The following HEMK2 variants were observed in gnomAD, a reference collection of about 807,000 sequenced individuals.
HEMK2 encodes methyltransferase HEMK2.
chr21:28,763,498 G>A, the HEMK2 span, among the ~76,000 whole-genome samples: 1 of 151,982 alleles, frequency 6.6e-6, no homozygotes, highest in African/African-American at 2.4e-5. Context: ...CAGACCCCAC[G>A]ATCCAGCGAC....
the HEMK2 span, among the ~76,000 whole-genome samples, chr21:28,789,979 T>C: frequency 2.2e-3 from 335 of 152,334 alleles, 3 homozygotes; most frequent in African/African-American, 7.4e-3. Flanking sequence ...AACAGAGCAT[T>C]GTAAACCCAC....
At chr21:28,656,165 T>C in the HEMK2 span, among the ~76,000 whole-genome samples, 1 of 151,984 alleles carries the variant, frequency 6.6e-6, no homozygotes, top group Non-Finnish European at 1.5e-5. Flanking sequence ...GGCCGAGGTA[T>C]CTCTTAACTA....
the HEMK2 span, among the ~76,000 whole-genome samples, chr21:28,805,332 C>T: frequency 5.3e-5 from 8 of 152,300 alleles, no homozygotes; most frequent in Admixed American, 5.2e-4. Context: ...CCATAAAATC[C>T]AGCACTGTAT....
the HEMK2 span, among the ~76,000 whole-genome samples, chr21:28,655,763 A>T: frequency 6.6e-6 from 1 of 152,126 alleles, no homozygotes; most frequent in African/African-American, 2.4e-5. Flanking sequence ...TTCCCAAAAC[A>T]CACAGCTCAG....
chr21:28,717,021 A>G, the HEMK2 span, among the ~76,000 whole-genome samples: 1 of 152,262 alleles, frequency 6.6e-6, no homozygotes, highest in East Asian at 1.9e-4. Flanking sequence ...TCAGCTTGCT[A>G]GTATTTTGTT....
the HEMK2 span, among the ~76,000 whole-genome samples, chr21:28,778,246 A>G: frequency 6.6e-6 from 1 of 152,196 alleles, no homozygotes; most frequent in African/African-American, 2.4e-5. Context: ...GCTTTTTTCT[A>G]TCAGCCTAAT....
the HEMK2 span, among the ~76,000 whole-genome samples, chr21:28,806,692 G>A: frequency 5.9e-5 from 9 of 152,288 alleles, no homozygotes; most frequent in Non-Finnish European, 1.3e-4. Flanking sequence ...TAGACATGCA[G>A]AGAGAAAAGG....
At chr21:28,822,292 C>T in the HEMK2 span, among the ~76,000 whole-genome samples, 1 of 152,226 alleles carries the variant, frequency 6.6e-6, no homozygotes, top group East Asian at 1.9e-4. Context: ...CTAATGATAT[C>T]ATTCCAAATT....
the HEMK2 span, among the ~76,000 whole-genome samples, chr21:28,861,362 G>C: frequency 6.6e-6 from 1 of 152,210 alleles, no homozygotes; most frequent in Non-Finnish European, 1.5e-5. Flanking sequence ...TAATCATGGT[G>C]CTCCTAGAAG....
At chr21:28,762,746 T>C in the HEMK2 span, among the ~76,000 whole-genome samples, 7 of 152,114 alleles carry the variant, frequency 4.6e-5, no homozygotes, top group African/African-American at 1.7e-4. Flanking sequence ...TTTCCCCTTC[T>C]ACCATGTTAT....
the HEMK2 span, among the ~76,000 whole-genome samples, chr21:28,637,919 A>T: frequency 6.5e-4 from 99 of 152,252 alleles, no homozygotes; most frequent in Non-Finnish European, 8.5e-4. Context: ...GTTGTAAAGG[A>T]GAAAAATAGA....
the HEMK2 span, among the ~76,000 whole-genome samples, chr21:28,612,776 T>C: frequency 2.0e-5 from 3 of 152,212 alleles, no homozygotes; most frequent in South Asian, 6.2e-4. Flanking sequence ...AGCTCTTCTA[T>C]ATGCCAACAG....
the HEMK2 span, among the ~76,000 whole-genome samples, chr21:28,763,555 G>A: frequency 6.6e-6 from 1 of 152,082 alleles, no homozygotes; most frequent in Non-Finnish European, 1.5e-5. Flanking sequence ...ATTTCAACAT[G>A]AGATTTGGAG....
chr21:28,814,752 G>C, the HEMK2 span, among the ~76,000 whole-genome samples: 1 of 151,754 alleles, frequency 6.6e-6, no homozygotes, highest in Non-Finnish European at 1.5e-5. Flanking sequence ...AGAGGATGTG[G>C]AGAAATAGGA....
chr21:28,723,570 C>T, the HEMK2 span, among the ~76,000 whole-genome samples: 143 of 152,292 alleles, frequency 9.4e-4, no homozygotes, highest in Non-Finnish European at 1.7e-3. Flanking sequence ...AAGAAGTTTA[C>T]ACAGAGATTA....
chr21:28,877,741 A>G, the HEMK2 span, among the ~76,000 whole-genome samples: 2 of 152,140 alleles, frequency 1.3e-5, no homozygotes, highest in African/African-American at 2.4e-5. Context: ...ACAGAAAAAG[A>G]GAGGAAAGAT....
At chr21:28,878,411 A>AT in the HEMK2 span, 4 of 1,532,486 alleles carry the variant, frequency 2.6e-6, no homozygotes, top group Non-Finnish European at 3.6e-6. Flanking sequence ...TTGACAAGTA[A>AT]TATCACCAAA....
chr21:28,649,195 A>G, the HEMK2 span, among the ~76,000 whole-genome samples: 1 of 152,112 alleles, frequency 6.6e-6, no homozygotes, highest in African/African-American at 2.4e-5. Flanking sequence ...GGCAGTATCA[A>G]TATTTCCTTG....
chr21:28,860,225 G>A, the HEMK2 span, among the ~76,000 whole-genome samples: 2 of 152,110 alleles, frequency 1.3e-5, no homozygotes, highest in East Asian at 3.9e-4. Flanking sequence ...TCAGCTCCCA[G>A]CGTGCCTAGA....
Sources: gnomAD v4.1 joint callset for allele counts (sites outside exome capture counted in the v4.1 genomes callset) on GRCh38, gnomAD v4.1.1 for gene constraint, MANE v1.5 for transcripts, NCBI Gene and HGNC (gene_info 2026-07-23, HGNC 2026-07-21) for gene names.